The following MMP20 variants were observed in gnomAD, a reference collection of about 807,000 sequenced individuals.
MMP20 encodes the protein matrix metallopeptidase 20, also known as matrix metalloproteinase-20.
A neutral mutation model predicts 51.8 loss-of-function variants in MMP20; 50 were observed. The observed-to-expected ratio is 0.97, with a 90% CI of 0.77 to 1.22. MMP20 has a LOEUF of 1.22. Among genes scored for constraint, MMP20 ranks in the 50% most tolerant of loss-of-function variants. The pLI, the probability that MMP20 is intolerant of heterozygous loss-of-function variation, is 0.00. For synonymous variants in MMP20, 244 were observed against 216.2 expected, an observed-to-expected ratio of 1.13 and a Z score of -1.13; for missense variants, 663 against 601.4, an observed-to-expected ratio of 1.10 and a Z score of -1.07.
chr11:102,586,159 G>A (rs1001012541), intron 8 of MMP20, among the ~76,000 whole-genome samples: 3 of 152,156 alleles, frequency 2.0e-5, no homozygotes, highest in Admixed American at 6.5e-5. Context: ...GGAAAAGTCT[G>A]TGAAAAACTG....
At chr11:102,610,759 G>T (rs2408408) in intron 3 of MMP20, among the ~76,000 whole-genome samples, 61,870 of 146,580 alleles carry the variant, frequency 0.42, 13,077 homozygotes, top group South Asian at 0.59. Flanking sequence ...GTTTTAGTTT[G>T]TTTTTTTTTT....
chr11:102,590,290 G>A (rs1859302860), intron 8 of MMP20, among the ~76,000 whole-genome samples: 2 of 151,760 alleles, frequency 1.3e-5, no homozygotes, highest in African/African-American at 4.9e-5. Context: ...TAAAAGTAAG[G>A]GGAAGTGGTT....
chr11:102,617,033 A>G lies in MMP20; in HGVS notation c.153T>C (p.Asn51=), dbSNP rs1257578405. 2.9e-5 allele frequency: 47 copies of G among 1,613,986 alleles called. No individual in the cohort carries two copies. The highest frequency in any genetic ancestry group is 4.5e-5 in the East Asian group (2 of 44,896). ...TCTCACCAATCTGGTGTCCTTCTTT[A>G]TTTGTGTAATATTTGTCAAGATACG... ...AQAYLDKYYT[N]KEGHQIGEMV... Residue 51 remains asparagine, a synonymous_variant, in exon 2 of 10, where the codon AAT becomes AAC. Coordinates refer to ENST00000260228, the MANE Select transcript of MMP20 (RefSeq NM_004771.4).
At chr11:102,579,367 T>C (rs1016176869) in intron 8 of MMP20, among the ~76,000 whole-genome samples, 4 of 151,986 alleles carry the variant, frequency 2.6e-5, no homozygotes, top group Non-Finnish European at 5.9e-5. Flanking sequence ...GGCTGAAGTG[T>C]AGTGGTGCCA....
chr11:102,611,301 A>G (rs1442691338), intron 3 of MMP20, among the ~76,000 whole-genome samples: 1 of 152,192 alleles, frequency 6.6e-6, no homozygotes, highest in Non-Finnish European at 1.5e-5. Flanking sequence ...CAGAAACGAT[A>G]CTTTCCTAAC....
intron 6 of MMP20, among the ~76,000 whole-genome samples, chr11:102,597,941 A>G (rs373676891): frequency 5.3e-5 from 8 of 151,490 alleles, no homozygotes; most frequent in African/African-American, 1.9e-4. Context: ...CTAATTTTGT[A>G]TTTTTAGTAG....
Position 102,625,325 on chromosome 11 carries a change from C to T in MMP20, c.-6G>A, listed in dbSNP as rs1305937568. 4 of 1,612,936 alleles carry T rather than the reference C, an allele frequency of 2.5e-6. No homozygotes were observed. Among genetic ancestry groups the T allele is most frequent in the African/African-American group, 2.7e-5 (2 of 74,982 alleles). The stretch of plus-strand genomic sequence containing the variant: ...GATGCAGGGAGCACCTTCATCCCCT[C>T]ACAGTAGCTTGGTAATTATATCAGC... On this transcript the variant is annotated 5_prime_UTR_variant, in exon 1 of 10. Transcript: ENST00000260228.
chr11:102,589,904 A>G (rs1231084142), intron 8 of MMP20, among the ~76,000 whole-genome samples: 1 of 152,132 alleles, frequency 6.6e-6, no homozygotes. Context: ...AAAAACATCT[A>G]TTTCTAGTAT....
At chr11:102,593,270 T>C (rs575391652) in intron 8 of MMP20, among the ~76,000 whole-genome samples, 169 bp downstream of exon 8, 1 of 152,276 alleles carries the variant, frequency 6.6e-6, no homozygotes, top group African/African-American at 2.4e-5. Context: ...ATTTTGATGG[T>C]TCCATATCTT....
At chr11:102,579,430 A>G (rs1002704568) in intron 8 of MMP20, among the ~76,000 whole-genome samples, 7 of 151,662 alleles carry the variant, frequency 4.6e-5, no homozygotes, top group African/African-American at 1.7e-4. Context: ...CTCCTGTCTC[A>G]GCCTCCTGAG....
At chr11:102,589,041 C>T (rs377134872) in intron 8 of MMP20, among the ~76,000 whole-genome samples, 4 of 152,134 alleles carry the variant, frequency 2.6e-5, no homozygotes, top group African/African-American at 9.7e-5. Context: ...AGGTATTTAA[C>T]ATGTCCCTCT....
At chr11:102,612,089 G>T (rs866124243) in intron 2 of MMP20, among the ~76,000 whole-genome samples, 186 bp from the exon 3 acceptor site, 1 of 152,136 alleles carries the variant, frequency 6.6e-6, no homozygotes, top group African/African-American at 2.4e-5. Flanking sequence ...CAAATGAAAG[G>T]GAGAGATGAG....
At chr11:102,603,582 C>A (rs939112529) in intron 6 of MMP20, among the ~76,000 whole-genome samples, 1 of 152,168 alleles carries the variant, frequency 6.6e-6, no homozygotes, top group Non-Finnish European at 1.5e-5. Flanking sequence ...TAATATAGTG[C>A]TTTGCATAAT....
At chr11:102,578,581 C>G (rs1480180535) in intron 9 of MMP20, among the ~76,000 whole-genome samples, 1 of 152,110 alleles carries the variant, frequency 6.6e-6, no homozygotes, top group Non-Finnish European at 1.5e-5. Context: ...ACTAAAAATA[C>G]AAACATTAGC....
chr11:102,579,859 ATTG>A (rs1309638256), intron 8 of MMP20, among the ~76,000 whole-genome samples: 5 of 152,092 alleles, frequency 3.3e-5, no homozygotes, highest in South Asian at 2.1e-4. Context: ...TGCCTTATTT[ATTG>A]TTGTAATTAT....
chr11:102,581,337 A>G (rs957188109), intron 8 of MMP20, among the ~76,000 whole-genome samples: 3 of 152,186 alleles, frequency 2.0e-5, no homozygotes, highest in Non-Finnish European at 4.4e-5. Context: ...CTAAGTCACT[A>G]AGGAGTTTAA....
At chr11:102,600,471 A>C (rs1243568313) in intron 6 of MMP20, among the ~76,000 whole-genome samples, 1 of 151,634 alleles carries the variant, frequency 6.6e-6, no homozygotes, top group Non-Finnish European at 1.5e-5. Context: ...GTTTCCCCCC[A>C]TTTGCTTTTT....
chr11:102,610,909 G>A (rs1193356520), intron 3 of MMP20, among the ~76,000 whole-genome samples: 2 of 152,124 alleles, frequency 1.3e-5, no homozygotes, highest in African/African-American at 2.4e-5. Flanking sequence ...GGGACAGACT[G>A]TAAGCTTGAA....
chr11:102,617,885 G>A (rs973069980), intron 1 of MMP20, among the ~76,000 whole-genome samples: 2 of 152,176 alleles, frequency 1.3e-5, no homozygotes, highest in African/African-American at 2.4e-5. Flanking sequence ...CACCTACTCA[G>A]CTGATTTTAG....
Sources: gnomAD v4.1 joint callset for allele counts (sites outside exome capture counted in the v4.1 genomes callset) on GRCh38, gnomAD v4.1.1 for gene constraint, MANE v1.5 for transcripts, NCBI Gene and HGNC (gene_info 2026-07-23, HGNC 2026-07-21) for gene names.